Variants in CSTF3 observed in about 807,000 individuals in gnomAD.
CSTF3 encodes CF-1 77 kDa subunit.
Under a neutral mutation model 105.8 loss-of-function variants are expected in CSTF3, and 29 were observed. That is an observed-to-expected ratio of 0.27 (90% CI 0.20 to 0.37). The LOEUF is 0.37. CSTF3 is among the 10% of genes least tolerant of loss of function. The pLI, the probability that CSTF3 is intolerant of heterozygous loss-of-function variation, is 1.00. For synonymous variants in CSTF3, 252 were observed against 281.9 expected (o/e 0.89, Z 1.06); for missense variants, 357 against 879.3 (o/e 0.41, Z 7.51).
At chr11:33,141,421 A>G (rs900126890) in intron 3 of CSTF3, 3 of 1,238,098 alleles carry the variant, frequency 2.4e-6, no homozygotes, top group African/African-American at 3.1e-5. Context: ...AAAAGGCTAA[A>G]GCACTCCAAT....
intron 10 of CSTF3, among the ~76,000 whole-genome samples, chr11:33,101,019 A>G (rs1223822984): frequency 6.6e-6 from 1 of 152,250 alleles, no homozygotes; most frequent in East Asian, 1.9e-4. Context: ...TGTACTGGAA[A>G]TGACCAAAAG....
In CSTF3 at chr11:33,161,432, T is replaced by G; in HGVS notation, c.-107A>C. On this transcript the variant is annotated 5_prime_UTR_variant, in exon 1 of 21. Transcript: ENST00000323959. ...TCAGTAAAGTTACCCCCTGCCCAGCTGAGCCAGACCGCCAACACCAATCGC... is the reference window on the plus strand; with the variant it reads ...TCAGTAAAGTTACCCCCTGCCCAGCGGAGCCAGACCGCCAACACCAATCGC... 1 of 1,237,050 alleles carries G rather than the reference T, an allele frequency of 8.1e-7. No individual in the cohort carries two copies. The allele number at this position is 1,237,050 out of a possible 1,614,324, so 76.6% of individuals were successfully genotyped here.
intron 3 of CSTF3, among the ~76,000 whole-genome samples, chr11:33,110,930 T>G (rs1565007698): frequency 6.6e-6 from 1 of 151,986 alleles, no homozygotes; most frequent in Non-Finnish European, 1.5e-5. Context: ...CTAGGATCTA[T>G]CCTATAAAAA....
At chr11:33,144,130 C>T (rs1018477251) in intron 1 of CSTF3, among the ~76,000 whole-genome samples, 1 of 98,218 alleles carries the variant, frequency 1.0e-5, no homozygotes, top group East Asian at 3.0e-4. Context: ...CACCACTCCC[C>T]CTTTTTTTTA....
At position 33,124,315 on chromosome 11, in the gene CSTF3, C is replaced by T. The variant is rs183978759; in HGVS notation, c.226-15897G>A. On this transcript the variant is annotated intron_variant, in intron 3 of 20. Coordinates refer to ENST00000323959, the MANE Select transcript of CSTF3 (RefSeq NM_001326.3). ...ACTAATGAATGGAATTTGACACTGG[C>T]GTAACTCAAGATTATTAAAAATACT... 4.6e-5 allele frequency among the ~76,000 whole-genome samples: 7 copies of T among 151,788 alleles called. No homozygotes were observed. The South Asian group carries it at 1.0e-3, about 23-fold the overall frequency.
At chr11:33,103,549 C>G (rs1238168830) in intron 8 of CSTF3, among the ~76,000 whole-genome samples, 5 of 152,130 alleles carry the variant, frequency 3.3e-5, no homozygotes, top group Admixed American at 1.3e-4. Context: ...GGGTGGATCA[C>G]TTGAGGTCAG....
intron 14 of CSTF3, 55 bp downstream of exon 14, chr11:33,096,780 C>A: frequency 6.6e-7 from 1 of 1,510,884 alleles, no homozygotes; most frequent in Non-Finnish European, 8.9e-7. Flanking sequence ...CTTTCTTTTA[C>A]GAACCTCAGA....
At chr11:33,097,715 CACT>C (rs543882519) in intron 13 of CSTF3, among the ~76,000 whole-genome samples, 349 of 152,232 alleles carry the variant, frequency 2.3e-3, no homozygotes, top group African/African-American at 8.2e-3. Flanking sequence ...TTTAAAAGCC[CACT>C]ACTCTATTTT....
At chr11:33,119,701 A>G (rs190108298) in intron 3 of CSTF3, among the ~76,000 whole-genome samples, 105 of 151,922 alleles carry the variant, frequency 6.9e-4, no homozygotes, top group African/African-American at 2.5e-3. Context: ...TTAACTTTAC[A>G]TCAGAAATTA....
chr11:33,095,869 A>G (rs1455264885), intron 15 of CSTF3, among the ~76,000 whole-genome samples: 1 of 151,868 alleles, frequency 6.6e-6, no homozygotes, highest in Admixed American at 6.6e-5. Flanking sequence ...AAAAACCAAA[A>G]TGTTTCTTTT....
At chr11:33,086,639 T>C (rs1006527380) in intron 18 of CSTF3, among the ~76,000 whole-genome samples, 1 of 152,186 alleles carries the variant, frequency 6.6e-6, no homozygotes, top group Non-Finnish European at 1.5e-5. Context: ...AGTTTCACCA[T>C]GTTAGTCAGG....
At chr11:33,147,317 C>G (rs191828415) in intron 1 of CSTF3, among the ~76,000 whole-genome samples, 54 of 151,894 alleles carry the variant, frequency 3.6e-4, no homozygotes, top group Admixed American at 3.3e-3. Context: ...AAGAAAGAGG[C>G]CAGGCTTGGT....
At position 33,096,847 on chromosome 11, in the gene CSTF3, A is replaced by C. The variant is rs561886549; in HGVS notation, c.1260T>G (p.Tyr420Ter). The C allele has an allele frequency of 6.2e-7, 1 of 1,612,778 alleles. No individual in the cohort carries two copies. The highest frequency in any genetic ancestry group is 1.3e-5 in the African/African-American group (1 of 74,964). The change falls in exon 14 of 21, where the codon TAT becomes TAG. Residue 420 changes from tyrosine to a stop codon, truncating the protein, a stop_gained. Transcript: ENST00000323959. LOFTEE classifies it high-confidence loss of function. The part of the protein sequence containing the change: ...HVYVTAALME[Y>*]YCSKDKSVAF... ...TTTCAGTATTTACCTTACTACAGTAATATTCCATGAGTGCTGCAGTAACAT... is the reference window on the plus strand; with the variant it reads ...TTTCAGTATTTACCTTACTACAGTACTATTCCATGAGTGCTGCAGTAACAT...
Position 33,090,521 on chromosome 11 carries a change from T to A in CSTF3, c.1641+11A>T. 6.7e-7 allele frequency: 1 copy of A among 1,489,432 alleles called. No individual in the cohort carries two copies. The highest frequency in any genetic ancestry group is 8.9e-7 in the Non-Finnish European group (1 of 1,117,876). The allele number at this position is 1,489,432 out of a possible 1,614,324, so 92.3% of individuals were successfully genotyped here. ...GTGAGGACACTCCACATCTTGATCC[T>A]AAGTACATACCTTATAACCAAGTGC... is the stretch of plus-strand genomic sequence containing the variant. On this transcript the variant is annotated intron_variant, in intron 17 of 20. Transcript: ENST00000323959.
Position 33,119,120 on chromosome 11 carries a change from T to G in CSTF3, c.226-10702A>C, listed in dbSNP as rs562443891. On this transcript the variant is annotated intron_variant, in intron 3 of 20. Coordinates refer to ENST00000323959, the MANE Select transcript of CSTF3 (RefSeq NM_001326.3). ...ACCATTTACTTAAAACTGTTTATAA[T>G]TCATTCATCTCTTACTGTACTTCTC... Among the ~76,000 whole-genome samples the G allele has an allele frequency of 6.9e-4, 105 of 151,922 alleles. 1 individual carries two copies. The South Asian group carries it at 0.021, about 30-fold the overall frequency.
chr11:33,088,714 G>A (rs1292047179), intron 17 of CSTF3, among the ~76,000 whole-genome samples: 1 of 151,700 alleles, frequency 6.6e-6, no homozygotes, highest in Admixed American at 6.6e-5. Context: ...TTCCCTCCTG[G>A]GCTCACCTTG....
intron 8 of CSTF3, 53 bp downstream of exon 8, chr11:33,105,514 T>C: frequency 1.3e-6 from 2 of 1,512,366 alleles, no homozygotes; most frequent in East Asian, 2.3e-5. Flanking sequence ...CCACAATGCA[T>C]AGAAATTAAA....
intron 3 of CSTF3, among the ~76,000 whole-genome samples, chr11:33,137,621 A>G (rs1038943068): frequency 6.6e-6 from 1 of 151,864 alleles, no homozygotes; most frequent in Non-Finnish European, 1.5e-5. Flanking sequence ...CTTGTAATAC[A>G]TCTCTATTCT....
chr11:33,131,757 C>G (rs1554951456), intron 3 of CSTF3, among the ~76,000 whole-genome samples: 1 of 151,934 alleles, frequency 6.6e-6, no homozygotes, highest in Non-Finnish European at 1.5e-5. Flanking sequence ...GAGGCTGAGG[C>G]AGGAGAATGG....
Sources: gnomAD v4.1 joint callset for allele counts (sites outside exome capture counted in the v4.1 genomes callset) on GRCh38, gnomAD v4.1.1 for gene constraint, MANE v1.5 for transcripts, NCBI Gene and HGNC (gene_info 2026-07-23, HGNC 2026-07-21) for gene names.